Variants in ORC4 observed in about 807,000 individuals in gnomAD.
ORC4 encodes the protein origin recognition complex, subunit 4 homolog.
Under a neutral mutation model 63.9 loss-of-function variants are expected in ORC4, and 55 were observed. The ratio of observed to expected loss-of-function variants is 0.86; its 90% CI spans 0.69 to 1.08. ORC4 has a LOEUF of 1.08. Among genes scored for constraint, ORC4 ranks in the 50% least tolerant of loss-of-function variants. The pLI is 0.00. For synonymous variants in ORC4, 150 were observed against 168.5 expected, an observed-to-expected ratio of 0.89 and a Z score of 0.85; for missense variants, 511 against 504.4, an observed-to-expected ratio of 1.01 and a Z score of -0.13.
chr2:147,997,222 T>G (rs1462289560), intron 1 of ORC4, among the ~76,000 whole-genome samples: 1 of 152,186 alleles, frequency 6.6e-6, no homozygotes, highest in African/African-American at 2.4e-5. Flanking sequence ...GATGTTTTAG[T>G]GATCTTTTCA....
At chr2:147,939,350 GTAAA>G (rs17225642) in intron 10 of ORC4, 102 bp from the exon 11 acceptor site, 3 of 730,234 alleles carry the variant, frequency 4.1e-6, no homozygotes, top group Non-Finnish European at 5.0e-6. Flanking sequence ...TTAAGGGAGA[GTAAA>G]TATTAATGCT....
rs1464847991 is a variant in ORC4 at position 147,933,044 on chromosome 2, G to T, written c.*2466C>A. The T allele has an allele frequency of 6.6e-6, 1 of 151,988 alleles. No homozygotes were observed. The highest frequency in any genetic ancestry group is 2.1e-4 in the South Asian group (1 of 4,828). The allele number at this position is 151,988 out of a possible 1,614,324, so 9.4% of individuals were successfully genotyped here. A position where few individuals can be genotyped will look rare whatever the true frequency, so the allele number is the denominator to read the frequency against. On this transcript the variant is annotated 3_prime_UTR_variant, in exon 14 of 14. Transcript: ENST00000392857. ...GCACGAGAATCAGTCATTTTAACAA[G>T]AATTCCGTTTCTGCTGGGCCACTTG...
chr2:147,959,660 A>C (rs184438574), intron 4 of ORC4, among the ~76,000 whole-genome samples: 1 of 152,290 alleles, frequency 6.6e-6, no homozygotes, highest in South Asian at 2.1e-4. Flanking sequence ...AAAAGAAAAA[A>C]GCAAATATGA....
intron 1 of ORC4, among the ~76,000 whole-genome samples, chr2:147,990,955 T>G (rs1019641765): frequency 1.3e-5 from 2 of 152,278 alleles, no homozygotes; most frequent in Admixed American, 1.3e-4. Flanking sequence ...CACTAGTACA[T>G]GGCAGTATGT....
intron 5 of ORC4, 63 bp downstream of exon 5, chr2:147,958,728 A>G: frequency 3.7e-6 from 3 of 816,834 alleles, no homozygotes; most frequent in Non-Finnish European, 6.4e-6. Flanking sequence ...TGAAATATAC[A>G]AGTCATATAA....
Position 147,933,759 on chromosome 2 carries a change from T to A in ORC4, c.*1751A>T, listed in dbSNP as rs1239532077. The A allele has an allele frequency of 6.6e-6, 1 of 152,118 alleles. No homozygotes were observed. The highest frequency in any genetic ancestry group is 2.4e-5 in the African/African-American group (1 of 41,428). 9.4% of individuals were successfully genotyped at this position (152,118 alleles called of 1,614,324 possible). On this transcript the variant is annotated 3_prime_UTR_variant, in exon 14 of 14. Transcript: ENST00000392857. The stretch of plus-strand genomic sequence containing the variant: ...AATTCTTGCTTCTAGTATATAATAG[T>A]GATGTTACCATGTCAAGTATTTTGG...
intron 1 of ORC4, among the ~76,000 whole-genome samples, chr2:147,985,423 C>T (rs1691145788): frequency 6.6e-6 from 1 of 152,146 alleles, no homozygotes; most frequent in African/African-American, 2.4e-5. Context: ...GTCTCGATTT[C>T]CTGACCTCGT....
intron 1 of ORC4, among the ~76,000 whole-genome samples, chr2:147,977,686 G>C (rs1690644934): frequency 6.6e-6 from 1 of 152,210 alleles, no homozygotes; most frequent in Admixed American, 6.5e-5. Context: ...GCTGTAGCAG[G>C]ATATGAACCC....
Position 147,957,107 on chromosome 2 carries a change from A to G in ORC4, c.387+1191T>C, listed in dbSNP as rs546371804. Among the ~76,000 whole-genome samples, 4 of 147,874 alleles carry G rather than the reference A, an allele frequency of 2.7e-5. No individual in the cohort carries two copies. In the East Asian group the frequency reaches 5.8e-4, roughly 22 times the overall value. Reference sequence around the variant, plus strand: ...TATATTAATATTTTTATAGATTAATATATTATATTAATAATTTAGATTATA... The same window carrying G: ...TATATTAATATTTTTATAGATTAATGTATTATATTAATAATTTAGATTATA... On this transcript the variant is annotated intron_variant, in intron 6 of 13. Coordinates refer to ENST00000392857, the MANE Select transcript of ORC4 (RefSeq NM_181741.4).
intron 1 of ORC4, among the ~76,000 whole-genome samples, chr2:148,009,401 A>G (rs1295846161): frequency 6.6e-6 from 1 of 152,186 alleles, no homozygotes; most frequent in East Asian, 1.9e-4. Flanking sequence ...CACCAAACAG[A>G]AACCCAAAAA....
rs540773522 is a variant in ORC4 at position 148,015,549 on chromosome 2, C to T, written c.-18+5084G>A. ...CAGGATGGTATCGATCTCCTGACCT[C>T]GTGATCCGCCCACCTCAGCCTCCCA... On this transcript the variant is annotated intron_variant, in intron 1 of 13. Coordinates refer to ENST00000392857, the MANE Select transcript of ORC4 (RefSeq NM_181741.4). Among the ~76,000 whole-genome samples, 17 of 151,958 alleles carry T rather than the reference C, an allele frequency of 1.1e-4. No homozygotes were observed. In the East Asian group the frequency reaches 2.9e-3, roughly 26 times the overall value.
Position 147,930,659 on chromosome 2 carries a change from G to C in ORC4, c.*4851C>G, listed in dbSNP as rs1389682632. ...TCTTGTGTTTTGGGCACAGGTTATTGTACTACTGTCAAATCGTACTTGCTA... is the reference window on the plus strand; with the variant it reads ...TCTTGTGTTTTGGGCACAGGTTATTCTACTACTGTCAAATCGTACTTGCTA... On this transcript the variant is annotated 3_prime_UTR_variant, in exon 14 of 14. Coordinates refer to ENST00000392857, the MANE Select transcript of ORC4 (RefSeq NM_181741.4). The C allele has an allele frequency of 6.6e-6, 1 of 152,222 alleles. No individual in the cohort carries two copies. The highest frequency in any genetic ancestry group is 2.4e-5 in the African/African-American group (1 of 41,354). 9.4% of individuals were successfully genotyped at this position (152,222 alleles called of 1,614,324 possible). A position where few individuals can be genotyped will look rare whatever the true frequency, so the allele number is the denominator to read the frequency against.
At chr2:147,978,162 T>C (rs919508863) in intron 1 of ORC4, among the ~76,000 whole-genome samples, 1 of 152,210 alleles carries the variant, frequency 6.6e-6, no homozygotes, top group African/African-American at 2.4e-5. Flanking sequence ...GAGGGGCTTA[T>C]GCCAAGATTC....
chr2:147,939,322 A>T (rs1010281657), intron 10 of ORC4, 74 bp from the exon 11 acceptor site: 17 of 861,674 alleles, frequency 2.0e-5, no homozygotes, highest in Non-Finnish European at 2.8e-5. Context: ...AAAACTTCTG[A>T]ATTTGTATAG....
chr2:147,939,196 T>C lies in ORC4; in HGVS notation c.902A>G (p.Asp301Gly), dbSNP rs200239981. ...TASHPFMTAV[D>G]LMEASQLCSM... is the part of the protein sequence containing the mutation. ...ACACAGTTGGCTTGCTTCCATTAGA[T>C]CTACGGCAGTCATAAATGGGTGCGA... The change falls in exon 11 of 14, where the codon GAT becomes GGT. Residue 301 changes from aspartate to glycine, a missense_variant. By Grantham distance (94) the Asp-to-Gly change is moderately conservative. Transcript: ENST00000392857. 74 of 1,613,074 alleles carry C rather than the reference T, an allele frequency of 4.6e-5. No individual in the cohort carries two copies. The highest frequency in any genetic ancestry group is 1.6e-4 in the Middle Eastern group (1 of 6,082).
chr2:147,978,021 G>A (rs1195629239), intron 1 of ORC4, among the ~76,000 whole-genome samples: 2 of 152,186 alleles, frequency 1.3e-5, no homozygotes, highest in Non-Finnish European at 2.9e-5. Flanking sequence ...AGAGGGGCTG[G>A]AGCCACTTTT....
At chr2:147,996,101 C>T (rs781172514) in intron 1 of ORC4, among the ~76,000 whole-genome samples, 3 of 152,004 alleles carry the variant, frequency 2.0e-5, no homozygotes, top group South Asian at 2.1e-4. Context: ...TCAAGAGATC[C>T]GAGACCATCC....
chr2:147,931,466 C>T lies in ORC4; in HGVS notation c.*4044G>A, dbSNP rs1026782722. On this transcript the variant is annotated 3_prime_UTR_variant, in exon 14 of 14. Transcript: ENST00000392857. ...CACAATGGTTGAACTAGTTTACAGT[C>T]CCACCAACAGTGTGAAAGTGTTCCT... The T allele has an allele frequency of 6.6e-6, 1 of 152,062 alleles. No homozygotes were observed. Among genetic ancestry groups the T allele is most frequent in the African/African-American group, 2.4e-5 (1 of 41,412 alleles). The allele number at this position is 152,062 out of a possible 1,614,324, so 9.4% of individuals were successfully genotyped here. A position where few individuals can be genotyped will look rare whatever the true frequency, so the allele number is the denominator to read the frequency against.
At chr2:147,968,097 A>G (rs992555791) in intron 4 of ORC4, among the ~76,000 whole-genome samples, 14 of 152,028 alleles carry the variant, frequency 9.2e-5, no homozygotes, top group African/African-American at 2.4e-4. Context: ...GATATGCAGA[A>G]GAATTAAACT....
Sources: gnomAD v4.1 joint callset for allele counts (sites outside exome capture counted in the v4.1 genomes callset) on GRCh38, gnomAD v4.1.1 for gene constraint, MANE v1.5 for transcripts, NCBI Gene and HGNC (gene_info 2026-07-23, HGNC 2026-07-21) for gene names.